The following LRRC49 variants were observed in gnomAD, a reference collection of about 807,000 sequenced individuals.
LRRC49 encodes the protein leucine rich repeat containing 49, also known as leucine-rich repeat-containing protein 49.
Under a neutral mutation model 83.3 loss-of-function variants are expected in LRRC49, and 50 were observed. The observed-to-expected ratio is 0.60, with a 90% CI of 0.48 to 0.76. The LOEUF (loss-of-function observed/expected upper bound fraction) is 0.76. Ranked by LOEUF, LRRC49 falls within the 30% of genes least tolerant of loss-of-function variation. The pLI is 0.00. For missense variants in LRRC49, 704 were observed against 809.1 expected (o/e 0.87, Z 1.58); for synonymous variants, 286 against 283.3 (o/e 1.01, Z -0.10).
chr15:70,885,162 AC>A (rs2033372289), intron 2 of LRRC49, among the ~76,000 whole-genome samples: 1 of 152,188 alleles, frequency 6.6e-6, no homozygotes, highest in East Asian at 1.9e-4. Context: ...ATTTCCAGGC[AC>A]GTATTAATCC....
rs570489851 is a variant in LRRC49 at position 70,872,386 on chromosome 15, A to T, written c.-298-522A>T. ...GCTCGGCATCAGAGGGAGACCGCGG[A>T]AAGTGGGAGACGGAGACGTAGGGGA... On this transcript the variant is annotated intron_variant, in intron 1 of 16. Coordinates refer to the LRRC49 transcript ENST00000544974. Among the ~76,000 whole-genome samples the T allele has an allele frequency of 1.6e-3, 242 of 151,394 alleles. 2 individuals are homozygous for T. The highest frequency in any genetic ancestry group is 0.01 in the Middle Eastern group (3 of 294).
intron 2 of LRRC49, among the ~76,000 whole-genome samples, chr15:70,873,744 AG>A (rs2033098304): frequency 6.6e-6 from 1 of 152,234 alleles, no homozygotes; most frequent in African/African-American, 2.4e-5. Flanking sequence ...ACACAGCAAG[AG>A]GACAAGCCCA....
At position 71,049,413 on chromosome 15, in the gene LRRC49, T is replaced by C; in HGVS notation, c.1862T>C (p.Ile621Thr). The change falls in exon 16 of 16, where the codon ATA becomes ACA. Residue 621 changes from isoleucine to threonine, a missense_variant. Coordinates refer to ENST00000260382, the MANE Select transcript of LRRC49 (RefSeq NM_017691.5). ...RDFYNEKLEE[I>T]KEKKKFCKTY... ...ACTTTCTCTTTTTTTTAACAGGAAATAAAGGAAAAGAAGAAATTCTGTAAA... is the reference window on the plus strand; with the variant it reads ...ACTTTCTCTTTTTTTTAACAGGAAACAAAGGAAAAGAAGAAATTCTGTAAA... 1 of 1,568,722 alleles carries C rather than the reference T, an allele frequency of 6.4e-7. No individual in the cohort carries two copies. The highest frequency in any genetic ancestry group is 1.2e-5 in the South Asian group (1 of 84,516).
upstream of LRRC49, among the ~76,000 whole-genome samples, chr15:70,891,474 C>G (rs2033560044): frequency 6.6e-6 from 1 of 152,104 alleles, no homozygotes; most frequent in Non-Finnish European, 1.5e-5. Flanking sequence ...TTCAAGCACT[C>G]CAATCCTGGA....
chr15:70,891,879 G>A (rs756661106), upstream of LRRC49: 25 of 1,610,366 alleles, frequency 1.6e-5, 1 homozygote, highest in South Asian at 2.4e-4. Flanking sequence ...GCTCGGGGGC[G>A]TGTACAGGAG....
At chr15:71,005,738 G>A (rs926239300) in intron 11 of LRRC49, among the ~76,000 whole-genome samples, 1 of 152,168 alleles carries the variant, frequency 6.6e-6, no homozygotes, top group African/African-American at 2.4e-5. Context: ...TTTGTAGATA[G>A]TGGGCTTTGA....
chr15:70,993,036 G>A (rs1297142429), intron 11 of LRRC49, among the ~76,000 whole-genome samples: 27 of 152,200 alleles, frequency 1.8e-4, no homozygotes, highest in Admixed American at 9.8e-4. Context: ...CACCCAGCTC[G>A]AGCTTGCTGG....
At chr15:71,045,678 CTTA>C (rs1484079726) in intron 15 of LRRC49, among the ~76,000 whole-genome samples, 2 of 151,980 alleles carry the variant, frequency 1.3e-5, no homozygotes, top group African/African-American at 4.8e-5. Context: ...AGCATTTTTT[CTTA>C]TTATGAATCT....
intron 9 of LRRC49, among the ~76,000 whole-genome samples, chr15:70,975,377 G>A (rs2037169126): frequency 6.6e-6 from 1 of 152,186 alleles, no homozygotes; most frequent in South Asian, 2.1e-4. Flanking sequence ...AGCATTTTGT[G>A]AATGCAGGCA....
chr15:71,039,074 A>C (rs1267087713), intron 15 of LRRC49, among the ~76,000 whole-genome samples: 1 of 152,178 alleles, frequency 6.6e-6, no homozygotes, highest in Non-Finnish European at 1.5e-5. Flanking sequence ...GGCCGATATG[A>C]GTCTTAAAAG....
chr15:70,898,450 T>C, intron 3 of LRRC49: 1 of 701,574 alleles, frequency 1.4e-6, no homozygotes, highest in Non-Finnish European at 2.6e-6. Context: ...AAGGGCTACA[T>C]ATCTGGTAAG....
At chr15:71,012,672 C>A (rs2038691732) in intron 13 of LRRC49, 132 bp from the exon 14 acceptor site, 1 of 552,894 alleles carries the variant, frequency 1.8e-6, no homozygotes, top group Non-Finnish European at 3.2e-6. Flanking sequence ...CTTCTTTCCA[C>A]AGCACAGGAG....
At position 70,940,535 on chromosome 15, in the gene LRRC49, G is replaced by C. The variant is rs915180652; in HGVS notation, c.773+3713G>C. ...TGGGATTACAGGCGTGAGCCACTGC[G>C]CCGGCCTATATGGATATTTTTTATG... is the stretch of plus-strand genomic sequence containing the variant. On this transcript the variant is annotated intron_variant, in intron 8 of 15. Coordinates refer to ENST00000260382, the MANE Select transcript of LRRC49 (RefSeq NM_017691.5). 2.6e-5 allele frequency among the ~76,000 whole-genome samples: 4 copies of C among 152,230 alleles called. No individual in the cohort carries two copies. In the South Asian group the frequency reaches 8.3e-4, roughly 32 times the overall value.
intron 1 of LRRC49, 79 bp from the exon 2 acceptor site, chr15:70,893,505 T>A: frequency 1.2e-6 from 1 of 829,296 alleles, no homozygotes; most frequent in Middle Eastern, 2.5e-4. Context: ...GTTGTATTTC[T>A]GTTTGTACCT....
Position 70,963,934 on chromosome 15 carries a change from T to G in LRRC49, c.921+2T>G. The stretch of plus-strand genomic sequence containing the variant: ...CAGCTAGATATGAAGAGAATCACGG[T>G]GAGAACCCTTCCAAAGTGTTCACCA... On this transcript the variant is annotated splice_donor_variant, in intron 9 of 15. Transcript: ENST00000260382. LOFTEE classifies it high-confidence loss of function. The G allele has an allele frequency of 6.2e-7, 1 of 1,612,474 alleles. No homozygotes were observed. The highest frequency in any genetic ancestry group is 8.5e-7 in the Non-Finnish European group (1 of 1,179,116).
chr15:71,012,681 A>C (rs2038692111), intron 13 of LRRC49, 123 bp from the exon 14 acceptor site: 1 of 608,976 alleles, frequency 1.6e-6, no homozygotes, highest in South Asian at 2.0e-5. Flanking sequence ...ACAGCACAGG[A>C]GAATGTGCTT....
intron 1 of LRRC49, chr15:70,859,940 A>G: frequency 2.6e-6 from 2 of 766,034 alleles, no homozygotes; most frequent in East Asian, 2.4e-5. Flanking sequence ...GCAGAACATG[A>G]CAATCCATAC....
chr15:71,038,636 G>A (rs1270049414), intron 15 of LRRC49, among the ~76,000 whole-genome samples: 1 of 152,042 alleles, frequency 6.6e-6, no homozygotes, highest in Non-Finnish European at 1.5e-5. Flanking sequence ...AGTGTGAAAG[G>A]TCAATGTTTC....
intron 9 of LRRC49, among the ~76,000 whole-genome samples, chr15:70,967,533 G>C (rs890632528): frequency 6.6e-6 from 1 of 152,090 alleles, no homozygotes; most frequent in South Asian, 2.1e-4. Context: ...TCTTTCTTCA[G>C]AAGAAGGGGT....
Sources: allele counts gnomAD v4.1 joint callset (sites outside exome capture counted in the v4.1 genomes callset), GRCh38; gene constraint gnomAD v4.1.1; transcripts MANE v1.5; gene names NCBI Gene and HGNC (gene_info 2026-07-23, HGNC 2026-07-21).